ZCCHC14: variants seen among roughly 807,000 people sequenced by gnomAD.
ZCCHC14 encodes zinc finger CCHC domain-containing protein 14.
ZCCHC14 carries 16 observed loss-of-function variants against 85.0 expected under a neutral mutation model. That is an observed-to-expected ratio of 0.19 (90% CI 0.13 to 0.29). The LOEUF (loss-of-function observed/expected upper bound fraction) is 0.29. Ranked by LOEUF, ZCCHC14 falls within the 10% of genes least tolerant of loss-of-function variation. The pLI is 1.00. For synonymous variants in ZCCHC14, 775 were observed against 630.7 expected, an observed-to-expected ratio of 1.23 and a Z score of -3.43; for missense variants, 1,303 against 1,443.5, an observed-to-expected ratio of 0.90 and a Z score of 1.58.
rs568439890 is a variant in ZCCHC14 at position 87,425,450 on chromosome 16, C to A, written c.769-1569G>T. 2.0e-5 allele frequency among the ~76,000 whole-genome samples: 3 copies of A among 152,162 alleles called. No homozygotes were observed. The South Asian group carries it at 6.2e-4, about 32-fold the overall frequency. ...AATTGGCCGGGCATGGTGGCAGGCG[C>A]CTGTAATCCTAGCTACTTGGGAGAC... On this transcript the variant is annotated intron_variant, in intron 3 of 12. Coordinates refer to ENST00000671377, the MANE Select transcript of ZCCHC14 (RefSeq NM_015144.3).
intron 2 of ZCCHC14, among the ~76,000 whole-genome samples, chr16:87,452,915 T>G (rs1597432100): frequency 6.6e-6 from 1 of 152,186 alleles, no homozygotes; most frequent in African/African-American, 2.4e-5. Context: ...AGGGCTCAGG[T>G]GGCCCAAGTG....
chr16:87,491,785 C>T lies in ZCCHC14; in HGVS notation c.454G>A (p.Val152Met), dbSNP rs1161697369. The T allele has an allele frequency of 6.3e-7, 1 of 1,589,116 alleles. No individual in the cohort carries two copies. Among genetic ancestry groups the T allele is most frequent in the Admixed American group, 1.8e-5 (1 of 56,846 alleles). Residue 152 changes from valine (V) to methionine (M), a missense_variant, in exon 1 of 13, where the codon GTG becomes ATG. Val to Met is a conservative substitution (Grantham distance 21). Around this residue, in one of 7 missense-constraint regions of ZCCHC14, gnomAD observed 389 missense variants for 397.8 expected, o/e 0.98. Transcript: ENST00000671377. This position sits in a 1 kb window ranked among gnomAD's most constrained non-coding sequence, Gnocchi z 5.9. ...ATCTGCGTGAGCTCCTGGCGCAGCA[C>T]CTGCTTCTGGTGGAAGCTGAAGGCC... ...HPAFSFHQKQ[V>M]LRQELTQIQS...
chr16:87,477,106 G>C (rs1334865514), intron 1 of ZCCHC14, among the ~76,000 whole-genome samples: 13 of 102,202 alleles, frequency 1.3e-4, no homozygotes, highest in Admixed American at 4.2e-4. Flanking sequence ...GCCTGACAGA[G>C]AGAGACTCAG....
At chr16:87,445,345 G>A (rs983896448) in intron 2 of ZCCHC14, among the ~76,000 whole-genome samples, 6 of 152,136 alleles carry the variant, frequency 3.9e-5, no homozygotes, top group Admixed American at 2.0e-4. Flanking sequence ...GATTACAGGC[G>A]TGAGCCACTG....
rs998893583 is a variant in ZCCHC14 at position 87,492,477 on chromosome 16, C to CCCGGGGCGG, written c.-248_-240dup. 46 of 144,450 alleles carry CCCGGGGCGG rather than the reference C, an allele frequency of 3.2e-4. No individual in the cohort carries two copies. Among genetic ancestry groups the CCCGGGGCGG allele is most frequent in the Middle Eastern group, 3.7e-3 (1 of 270 alleles). 8.9% of individuals were successfully genotyped at this position (144,450 alleles called of 1,614,324 possible). ...GGGCGCGCGCGGGGCGCCGGGGGGG[C>CCCGGGGCGG]CCGGGGCGGCCGGGGCGGCCGGGGG... On this transcript the variant is annotated 5_prime_UTR_variant, in exon 1 of 13. Transcript: ENST00000671377. This position sits in a 1 kb window ranked among gnomAD's most constrained non-coding sequence, Gnocchi z 6.7.
intron 3 of ZCCHC14, among the ~76,000 whole-genome samples, chr16:87,429,984 G>A (rs79077629): frequency 0.01 from 1,575 of 152,286 alleles, 34 homozygotes; most frequent in African/African-American, 0.034. Flanking sequence ...TCAGCTACAT[G>A]ACTTGCAAAT....
intron 12 of ZCCHC14, among the ~76,000 whole-genome samples, chr16:87,411,079 G>A (rs1344289216): frequency 2.0e-5 from 3 of 152,260 alleles, no homozygotes; most frequent in Admixed American, 2.0e-4. Context: ...ATGGCTGAGG[G>A]GTGACAGCCC....
chr16:87,418,489 T>A (rs563835845), intron 7 of ZCCHC14, among the ~76,000 whole-genome samples: 1 of 152,292 alleles, frequency 6.6e-6, no homozygotes, highest in African/African-American at 2.4e-5. Context: ...GTTGCCGGCA[T>A]ACGACTGCAG....
At position 87,415,821 on chromosome 16, in the gene ZCCHC14, C is replaced by T. The variant is rs528283031; in HGVS notation, c.1384-454G>A. 7.9e-5 allele frequency among the ~76,000 whole-genome samples: 12 copies of T among 152,332 alleles called. No homozygotes were observed. In the Middle Eastern group the frequency reaches 0.01, roughly 130 times the overall value. ...CCACCCCCACCCTCCCCAGGACGGC[C>T]CCATCACAGTGCCATCCCTTCAGAA... On this transcript the variant is annotated intron_variant, in intron 8 of 12. Transcript: ENST00000671377.
chr16:87,474,698 C>G (rs975430770), intron 1 of ZCCHC14, among the ~76,000 whole-genome samples: 1 of 152,176 alleles, frequency 6.6e-6, no homozygotes, highest in Non-Finnish European at 1.5e-5. Context: ...GAGAGCCCCA[C>G]AGTCTCACCT....
At chr16:87,445,794 T>G (rs541566167) in intron 2 of ZCCHC14, among the ~76,000 whole-genome samples, 1 of 152,308 alleles carries the variant, frequency 6.6e-6, no homozygotes, top group South Asian at 2.1e-4. Flanking sequence ...AACAGGGTTG[T>G]AGTGTCTCTT....
intron 1 of ZCCHC14, among the ~76,000 whole-genome samples, chr16:87,464,726 C>T (rs1030872369): frequency 6.6e-6 from 1 of 152,182 alleles, no homozygotes; most frequent in Non-Finnish European, 1.5e-5. Context: ...CCAACCAAGC[C>T]TTTATCGTAA....
chr16:87,433,122 T>C lies in ZCCHC14; in HGVS notation c.768+6A>G, dbSNP rs761371348. 1 of 1,614,068 alleles carries C rather than the reference T, an allele frequency of 6.2e-7. No individual in the cohort carries two copies. The highest frequency in any genetic ancestry group is 8.5e-7 in the Non-Finnish European group (1 of 1,179,930). ...GGAGAGAGGGGAAAAAAACTTAGCA[T>C]CTTACCTCAAAGGAACATTCAACAT... On this transcript the variant is annotated splice_donor_region_variant and intron_variant, in intron 3 of 12. Transcript: ENST00000671377.
intron 3 of ZCCHC14, among the ~76,000 whole-genome samples, chr16:87,427,233 C>T (rs1021561282): frequency 1.3e-5 from 2 of 152,246 alleles, no homozygotes. Context: ...CCTTGGAGGG[C>T]AGGGTCTACC....
chr16:87,479,734 A>G (rs1159659265), intron 1 of ZCCHC14, among the ~76,000 whole-genome samples: 1 of 152,188 alleles, frequency 6.6e-6, no homozygotes, highest in Admixed American at 6.5e-5. Flanking sequence ...CTCCATGGAA[A>G]TGAACTCATC....
chr16:87,434,382 C>T (rs964964711), intron 2 of ZCCHC14, among the ~76,000 whole-genome samples: 3 of 152,118 alleles, frequency 2.0e-5, no homozygotes, highest in Non-Finnish European at 4.4e-5. Flanking sequence ...TTCCCAGGCG[C>T]CAGGAGCCCC....
chr16:87,449,100 A>G (rs1337312841), intron 2 of ZCCHC14, among the ~76,000 whole-genome samples: 1 of 152,186 alleles, frequency 6.6e-6, no homozygotes, highest in Non-Finnish European at 1.5e-5. Flanking sequence ...ACAGTCACGG[A>G]GCATGGCCCA....
At chr16:87,456,495 T>C (rs1418411052) in intron 2 of ZCCHC14, among the ~76,000 whole-genome samples, 2 of 121,218 alleles carry the variant, frequency 1.6e-5, no homozygotes, top group East Asian at 5.0e-4. Flanking sequence ...ATTGCGCCAC[T>C]GCACTCCAGC....
Position 87,433,008 on chromosome 16 carries a change from C to G in ZCCHC14, c.768+120G>C, listed in dbSNP as rs1909739127. 5 of 863,970 alleles carry G rather than the reference C, an allele frequency of 5.8e-6. No individual in the cohort carries two copies. The South Asian group carries it at 7.9e-5, about 14-fold the overall frequency. 53.5% of individuals were successfully genotyped at this position (863,970 alleles called of 1,614,324 possible). The stretch of plus-strand genomic sequence containing the variant: ...CCGAGCTCAGGGCCAGCTTCCTATA[C>G]AGCACTGGCACGGGGCTTTGCACAA... On this transcript the variant is annotated intron_variant, in intron 3 of 12. Transcript: ENST00000671377.
Sources: gnomAD v4.1 joint callset for allele counts (sites outside exome capture counted in the v4.1 genomes callset) on GRCh38, gnomAD v4.1.1 for gene constraint, gnomAD v4.1.1 regional missense constraint, Gnocchi (gnomAD v3.1) non-coding constraint, MANE v1.5 for transcripts, NCBI Gene and HGNC (gene_info 2026-07-23, HGNC 2026-07-21) for gene names.